PCDH15: variants seen among roughly 807,000 people sequenced by gnomAD.
PCDH15 encodes the protein protocadherin related 15.
Under a neutral mutation model 178.5 loss-of-function variants are expected in PCDH15, and 129 were observed. That is an observed-to-expected ratio of 0.72 (90% CI 0.63 to 0.84). PCDH15 has a LOEUF of 0.84. Ranked by LOEUF, PCDH15 falls within the 40% of genes least tolerant of loss-of-function variation. The probability of loss-of-function intolerance (pLI) is 0.00; values close to 1 mark genes in which losing one functional copy is unlikely to be tolerated. For synonymous variants in PCDH15, 800 were observed against 732.0 expected (o/e 1.09, Z -1.50); for missense variants, 2,230 against 2,099.9 (o/e 1.06, Z -1.21).
At chr10:55,205,675 T>A (rs986560009) in intron 1 of PCDH15, among the ~76,000 whole-genome samples, 1 of 152,042 alleles carries the variant, frequency 6.6e-6, no homozygotes, top group Non-Finnish European at 1.5e-5. Flanking sequence ...ATTCTTTCCT[T>A]CCTGTTTAAT....
intron 1 of PCDH15, among the ~76,000 whole-genome samples, chr10:54,762,078 A>G (rs1244005804): frequency 1.3e-5 from 2 of 152,062 alleles, no homozygotes; most frequent in Admixed American, 6.6e-5. Flanking sequence ...ACTCAGATAT[A>G]CTCTCCAACT....
chr10:54,227,021 G>A (rs1316887230), intron 9 of PCDH15, among the ~76,000 whole-genome samples: 1 of 152,144 alleles, frequency 6.6e-6, no homozygotes, highest in Non-Finnish European at 1.5e-5. Context: ...TTCATGGGCT[G>A]GGGTCGGGTG....
chr10:55,065,436 C>A (rs1198929548), intron 2 of PCDH15, among the ~76,000 whole-genome samples: 1 of 152,040 alleles, frequency 6.6e-6, no homozygotes, highest in African/African-American at 2.4e-5. Flanking sequence ...TTGTATGACT[C>A]TACAGTAAGG....
chr10:53,939,517 A>G (rs2134059938), intron 24 of PCDH15, among the ~76,000 whole-genome samples: 1 of 152,140 alleles, frequency 6.6e-6, no homozygotes, highest in South Asian at 2.1e-4. Context: ...CACTTTGGTA[A>G]ACTTTATAAT....
At chr10:55,113,765 C>G (rs1438260420) in intron 2 of PCDH15, among the ~76,000 whole-genome samples, 2 of 152,048 alleles carry the variant, frequency 1.3e-5, no homozygotes, top group African/African-American at 4.8e-5. Flanking sequence ...TAAAACCAGG[C>G]CATTTTTGAG....
chr10:55,434,707 G>A (rs1335338228), intron 2 of PCDH15, among the ~76,000 whole-genome samples: 5 of 151,676 alleles, frequency 3.3e-5, no homozygotes, highest in Non-Finnish European at 7.4e-5. Flanking sequence ...CCGAGTTCAA[G>A]TGATTCTCCT....
intron 26 of PCDH15, among the ~76,000 whole-genome samples, chr10:53,875,877 G>A (rs756072115): frequency 5.9e-5 from 9 of 152,080 alleles, no homozygotes; most frequent in East Asian, 1.9e-4. Flanking sequence ...CCCCTCTGTT[G>A]CCTAAATGAA....
chr10:55,550,679 T>C lies in PCDH15; in HGVS notation c.-156+76946A>G, dbSNP rs944896577. On this transcript the variant is annotated intron_variant, in intron 2 of 5. Transcript: ENST00000613346. ...CAAAAGGAATCTTTAATTAATGATT[T>C]CACTAAATCTGTTCTCAATGAAGAA... Among the ~76,000 whole-genome samples, 6 of 152,176 alleles carry C rather than the reference T, an allele frequency of 3.9e-5. No homozygotes were observed. In the South Asian group the frequency reaches 6.2e-4, roughly 16 times the overall value.
chr10:54,006,811 C>A (rs1589874712), intron 20 of PCDH15, among the ~76,000 whole-genome samples: 1 of 152,240 alleles, frequency 6.6e-6, no homozygotes, highest in Non-Finnish European at 1.5e-5. Flanking sequence ...TTAACAACAA[C>A]CTCAGCCCTT....
At position 53,860,654 on chromosome 10, in the gene PCDH15, C is replaced by T. The variant is rs1472453981; in HGVS notation, c.3718-3391G>A. On this transcript the variant is annotated intron_variant, in intron 27 of 37. Transcript: ENST00000644397. ...GTTGAGGCACGAGAATTGCTTGAAC[C>T]TGGGAGGCAGAGGTTGCAGAGAGTC... Among the ~76,000 whole-genome samples the T allele has an allele frequency of 1.0e-4, 15 of 150,170 alleles. No individual in the cohort carries two copies. In the Admixed American group the frequency reaches 1.0e-3, roughly 10 times the overall value.
intron 2 of PCDH15, among the ~76,000 whole-genome samples, chr10:55,043,144 A>AT (rs201084101): frequency 0.033 from 5,010 of 151,924 alleles, 126 homozygotes; most frequent in Non-Finnish European, 0.049. Flanking sequence ...TTTAGAACTT[A>AT]TTTTTTTGGT....
chr10:54,942,639 T>A (rs911986975), intron 2 of PCDH15, among the ~76,000 whole-genome samples: 4 of 152,056 alleles, frequency 2.6e-5, no homozygotes, highest in African/African-American at 9.7e-5. Context: ...CATTATAATC[T>A]CAGTATGTGC....
At chr10:55,012,787 G>T (rs752575667) in intron 2 of PCDH15, among the ~76,000 whole-genome samples, 1 of 151,720 alleles carries the variant, frequency 6.6e-6, no homozygotes, top group South Asian at 2.1e-4. Flanking sequence ...ACAGTGCAAG[G>T]CCCCTTTATC....
intron 2 of PCDH15, chr10:55,627,615 C>A (rs545111436): frequency 4.6e-5 from 7 of 152,254 alleles, no homozygotes; most frequent in South Asian, 2.1e-4. Flanking sequence ...GATCCCACCC[C>A]CTTGCCTACC....
chr10:53,987,355 C>A (rs2091178854), intron 21 of PCDH15, among the ~76,000 whole-genome samples: 1 of 151,834 alleles, frequency 6.6e-6, no homozygotes. Context: ...AGTGTATATC[C>A]TCAATAAATT....
intron 2 of PCDH15, among the ~76,000 whole-genome samples, chr10:54,542,597 A>G (rs1282868028): frequency 1.3e-5 from 2 of 152,204 alleles, no homozygotes; most frequent in African/African-American, 4.8e-5. Flanking sequence ...CTCTGCTACA[A>G]ACCCACCTGA....
chr10:54,368,222 T>C (rs1947101106), intron 5 of PCDH15, among the ~76,000 whole-genome samples: 1 of 152,058 alleles, frequency 6.6e-6, no homozygotes, highest in South Asian at 2.1e-4. Context: ...ATATTTTTAG[T>C]AACTTCAAAA....
At chr10:55,043,004 T>C (rs1287298477) in intron 2 of PCDH15, among the ~76,000 whole-genome samples, 1 of 152,172 alleles carries the variant, frequency 6.6e-6, no homozygotes, top group Non-Finnish European at 1.5e-5. Flanking sequence ...GTCTTGTCTA[T>C]ATTCTGGTTT....
chr10:54,085,870 A>T (rs1195445039), intron 16 of PCDH15, among the ~76,000 whole-genome samples: 1 of 152,222 alleles, frequency 6.6e-6, no homozygotes, highest in East Asian at 1.9e-4. Context: ...TAATGGTATT[A>T]TAATGATGCG....
Sources: gnomAD v4.1 joint callset for allele counts (sites outside exome capture counted in the v4.1 genomes callset) on GRCh38, gnomAD v4.1.1 for gene constraint, MANE v1.5 for transcripts, NCBI Gene and HGNC (gene_info 2026-07-23, HGNC 2026-07-21) for gene names.